Variants in NTRK2 observed in about 807,000 individuals in gnomAD.
The protein encoded by NTRK2 is BDNF/NT-3 growth factors receptor.
Under a neutral mutation model 94.5 loss-of-function variants are expected in NTRK2, and 13 were observed. The observed-to-expected ratio is 0.14, with a 90% CI of 0.09 to 0.22. The LOEUF is 0.22. NTRK2 is among the 10% of genes least tolerant of loss of function. The pLI is 1.00. For missense variants in NTRK2, 639 were observed against 1,071.2 expected, an observed-to-expected ratio of 0.60 and a Z score of 5.63; for synonymous variants, 372 against 407.4, an observed-to-expected ratio of 0.91 and a Z score of 1.05.
chr9:84,892,997 T>C (rs2076641536), intron 14 of NTRK2, among the ~76,000 whole-genome samples: 1 of 152,102 alleles, frequency 6.6e-6, no homozygotes. Flanking sequence ...CTCCCTTCCT[T>C]TTTTCCTTCT....
intron 15 of NTRK2, among the ~76,000 whole-genome samples, chr9:84,939,050 T>TAAAA (rs2078307901): frequency 8.6e-5 from 1 of 11,622 alleles, no homozygotes; most frequent in African/African-American, 7.9e-4. Context: ...AGACCCCAAC[T>TAAAA]CAAAAAAAAA....
intron 6 of NTRK2, among the ~76,000 whole-genome samples, chr9:84,715,222 A>C (rs1217087872): frequency 6.6e-6 from 1 of 152,214 alleles, no homozygotes; most frequent in Non-Finnish European, 1.5e-5. Context: ...AATGGTGTGA[A>C]CGTTTCAGTT....
chr9:84,874,928 A>G (rs2076009483), intron 14 of NTRK2: 1 of 1,055,838 alleles, frequency 9.5e-7, no homozygotes, highest in South Asian at 4.6e-5. Context: ...GTAAGATAGG[A>G]TTGTCTTCCT....
intron 2 of NTRK2, among the ~76,000 whole-genome samples, chr9:84,676,803 C>T (rs1227337986): frequency 6.6e-6 from 1 of 152,174 alleles, no homozygotes; most frequent in African/African-American, 2.4e-5. Context: ...ATAGAACCAC[C>T]ATAAATGGGG....
chr9:84,757,583 C>G (rs1320762026), intron 12 of NTRK2, among the ~76,000 whole-genome samples: 1 of 152,226 alleles, frequency 6.6e-6, no homozygotes, highest in Non-Finnish European at 1.5e-5. Flanking sequence ...ATCTCATCCT[C>G]TCTTGCCTCG....
chr9:84,872,838 G>A, intron 14 of NTRK2: 1 of 1,064,958 alleles, frequency 9.4e-7, no homozygotes, highest in Non-Finnish European at 1.1e-6. Flanking sequence ...TATAAAGGGA[G>A]GGAGTATTTT....
chr9:84,754,176 G>A (rs976170357), intron 12 of NTRK2, among the ~76,000 whole-genome samples: 1 of 152,196 alleles, frequency 6.6e-6, no homozygotes, highest in African/African-American at 2.4e-5. Context: ...AAGAAAGAGT[G>A]TGCTTAACCC....
intron 15 of NTRK2, among the ~76,000 whole-genome samples, chr9:84,939,911 A>G (rs1195315862): frequency 1.3e-5 from 2 of 152,058 alleles, no homozygotes; most frequent in South Asian, 4.1e-4. Context: ...ACATTTTGCT[A>G]AAGACTTGAC....
chr9:84,907,008 G>C (rs1021330819), intron 14 of NTRK2, among the ~76,000 whole-genome samples: 3 of 152,170 alleles, frequency 2.0e-5, no homozygotes, highest in Non-Finnish European at 4.4e-5. Flanking sequence ...CTACTATGCT[G>C]TTGGGGAAAT....
chr9:84,970,591 G>A (rs1383044014), intron 17 of NTRK2, among the ~76,000 whole-genome samples: 1 of 152,072 alleles, frequency 6.6e-6, no homozygotes, highest in East Asian at 1.9e-4. Flanking sequence ...GCGCTGGGCA[G>A]GGCAGTGTTA....
At chr9:84,706,356 G>A (rs149504876) in intron 4 of NTRK2, among the ~76,000 whole-genome samples, 63 of 151,994 alleles carry the variant, frequency 4.1e-4, no homozygotes, top group African/African-American at 1.5e-3. Flanking sequence ...CAACTGACTA[G>A]CCTTAGTTCA....
chr9:84,801,709 G>T (rs1052372207), intron 12 of NTRK2, among the ~76,000 whole-genome samples: 1 of 152,104 alleles, frequency 6.6e-6, no homozygotes, highest in East Asian at 1.9e-4. Context: ...CATTTTCAAC[G>T]TACTATATTT....
chr9:84,866,539 G>C (rs1564406151), intron 13 of NTRK2, among the ~76,000 whole-genome samples: 1 of 152,150 alleles, frequency 6.6e-6, no homozygotes, highest in Non-Finnish European at 1.5e-5. Context: ...GAGTGTTCTA[G>C]AGACAATCAT....
At chr9:85,005,634 T>C (rs983088312) in intron 17 of NTRK2, among the ~76,000 whole-genome samples, 6 of 152,170 alleles carry the variant, frequency 3.9e-5, no homozygotes, top group African/African-American at 9.7e-5. Flanking sequence ...CTACCAATGA[T>C]AACCCTGAGT....
chr9:84,871,822 A>C (rs1376016023), intron 14 of NTRK2: 2 of 1,613,562 alleles, frequency 1.2e-6, no homozygotes, highest in Non-Finnish European at 1.7e-6. Flanking sequence ...GCCTGATAAT[A>C]ATTTGGTATT....
intron 14 of NTRK2, among the ~76,000 whole-genome samples, chr9:84,917,126 A>C (rs1410789433): frequency 6.6e-6 from 1 of 152,060 alleles, no homozygotes; most frequent in African/African-American, 2.4e-5. Flanking sequence ...TTTTGGAGAG[A>C]GGTTTGACTT....
At chr9:84,934,053 G>GGA in intron 14 of NTRK2, 109 bp from the exon 15 acceptor site, 2 of 1,211,396 alleles carry the variant, frequency 1.7e-6, no homozygotes, top group Non-Finnish European at 2.4e-6. Flanking sequence ...TGTGCACAGA[G>GGA]GAGAGACTCT....
intron 17 of NTRK2, among the ~76,000 whole-genome samples, chr9:85,001,897 G>C (rs1830379743): frequency 6.6e-6 from 1 of 152,208 alleles, no homozygotes; most frequent in South Asian, 2.1e-4. Flanking sequence ...AATAGGGCAG[G>C]GAGGGGACAA....
chr9:84,767,531 G>T (rs537596894), intron 12 of NTRK2, among the ~76,000 whole-genome samples: 75 of 152,250 alleles, frequency 4.9e-4, no homozygotes, highest in African/African-American at 1.8e-3. Context: ...AATCACCATT[G>T]GTGATGGTGA....
Sources: allele counts gnomAD v4.1 joint callset (sites outside exome capture counted in the v4.1 genomes callset), GRCh38; gene constraint gnomAD v4.1.1; transcripts MANE v1.5; gene names NCBI Gene and HGNC (gene_info 2026-07-23, HGNC 2026-07-21).